Variants in NEK6 observed in about 807,000 individuals in gnomAD.
NEK6 encodes the protein serine/threonine-protein kinase Nek6.
A neutral mutation model predicts 43.5 loss-of-function variants in NEK6; 27 were observed. The ratio of observed to expected loss-of-function variants is 0.62; its 90% confidence interval spans 0.46 to 0.86. The LOEUF (loss-of-function observed/expected upper bound fraction) is 0.86, where lower values mean the gene tolerates loss of function less well. NEK6 is among the 40% of genes least tolerant of loss of function. NEK6 has a pLI of 0.00. For missense variants in NEK6, 318 were observed against 414.4 expected (o/e 0.77, Z 2.02); for synonymous variants, 167 against 164.1 (o/e 1.02, Z -0.14).
At position 124,352,109 on chromosome 9, in the gene NEK6, T is replaced by A. The variant is rs1437078897; in HGVS notation, c.*1162T>A. On this transcript the variant is annotated 3_prime_UTR_variant, in exon 10 of 10. Coordinates refer to ENST00000320246, the MANE Select transcript of NEK6 (RefSeq NM_014397.6). ...AAAACTCCACCTCTGAAGGAAATCA[T>A]TTGAATTTTGTTTTTGTACGTAAAG... 4 of 152,778 alleles carry A rather than the reference T, an allele frequency of 2.6e-5. No individual in the cohort carries two copies. Among genetic ancestry groups the A allele is most frequent in the Admixed American group, 2.6e-4 (4 of 15,310 alleles). The allele number at this position is 152,778 out of a possible 1,614,324, so 9.5% of individuals were successfully genotyped here.
chr9:124,287,268 C>G (rs943012786), intron 1 of NEK6, among the ~76,000 whole-genome samples: 1 of 152,164 alleles, frequency 6.6e-6, no homozygotes, highest in Non-Finnish European at 1.5e-5. Flanking sequence ...TTCAGGTTAC[C>G]CTGGCACCAG....
At chr9:124,293,711 A>T (rs990817256) in intron 1 of NEK6, among the ~76,000 whole-genome samples, 2 of 152,134 alleles carry the variant, frequency 1.3e-5, no homozygotes, top group Non-Finnish European at 2.9e-5. Context: ...TCCACCTACT[A>T]GTCAGAGATT....
intron 2 of NEK6, among the ~76,000 whole-genome samples, chr9:124,311,226 G>A (rs1199178393): frequency 2.0e-5 from 3 of 152,176 alleles, no homozygotes; most frequent in South Asian, 2.1e-4. Context: ...AAGACGCCTC[G>A]GTACGGTGCC....
At chr9:124,348,031 C>G (rs148654394) in intron 9 of NEK6, among the ~76,000 whole-genome samples, 2 of 152,328 alleles carry the variant, frequency 1.3e-5, no homozygotes, top group Non-Finnish European at 2.9e-5. Flanking sequence ...AGTGTGGGAC[C>G]CCCAGGTAGG....
intron 1 of NEK6, among the ~76,000 whole-genome samples, chr9:124,291,589 G>A (rs993293202): frequency 6.6e-6 from 1 of 152,162 alleles, no homozygotes; most frequent in African/African-American, 2.4e-5. Flanking sequence ...TCATGCTGCT[G>A]TACTCCAGCC....
Position 124,319,325 on chromosome 9 carries a change from T to C in NEK6, c.295-2134T>C, listed in dbSNP as rs551799764. Among the ~76,000 whole-genome samples the C allele has an allele frequency of 4.6e-5, 7 of 152,294 alleles. No individual in the cohort carries two copies. In the South Asian group the frequency reaches 1.5e-3, roughly 32 times the overall value. On this transcript the variant is annotated intron_variant, in intron 4 of 9. Transcript: ENST00000320246. ...TAATGTTTTGTTTTTTTTTATTGAT[T>C]TAAGTTCCTTATAGATTCTGGACAT...
chr9:124,289,840 G>A (rs1832328765), intron 1 of NEK6, among the ~76,000 whole-genome samples: 1 of 152,210 alleles, frequency 6.6e-6, no homozygotes, highest in African/African-American at 2.4e-5. Flanking sequence ...GGGAAACTGA[G>A]GCCCAAAGAT....
At chr9:124,286,057 C>G (rs1015998025) in intron 1 of NEK6, among the ~76,000 whole-genome samples, 2 of 152,172 alleles carry the variant, frequency 1.3e-5, no homozygotes, top group Admixed American at 6.5e-5. Context: ...CTCCTAGTCT[C>G]GTGAACGGTT....
At chr9:124,266,454 C>T (rs914229856) in intron 1 of NEK6, among the ~76,000 whole-genome samples, 4 of 152,150 alleles carry the variant, frequency 2.6e-5, no homozygotes, top group East Asian at 1.9e-4. Context: ...GGCTGCCCTC[C>T]GGAAGTGACC....
In NEK6 at chr9:124,339,721, C is replaced by T. The variant is rs1401162213; in HGVS notation, c.717+56C>T. The stretch of plus-strand genomic sequence containing the variant: ...TGGTGGGACATGCATGGGGGGTGCC[C>T]AGTTAGGACAGGGCTCACCCTACCA... On this transcript the variant is annotated intron_variant, in intron 8 of 9. Coordinates refer to ENST00000320246, the MANE Select transcript of NEK6 (RefSeq NM_014397.6). 3.4e-5 allele frequency: 43 copies of T among 1,275,072 alleles called. No homozygotes were observed. The South Asian group carries it at 4.7e-4, about 14-fold the overall frequency. 79.0% of individuals were successfully genotyped at this position (1,275,072 alleles called of 1,614,324 possible).
chr9:124,325,335 G>T (rs1025099593), intron 5 of NEK6, among the ~76,000 whole-genome samples: 1 of 152,242 alleles, frequency 6.6e-6, no homozygotes, highest in Admixed American at 6.5e-5. Context: ...GCCACACCCT[G>T]CAGGTGGTCT....
In NEK6 at chr9:124,275,289, G is replaced by A. The variant is rs1370860925; in HGVS notation, c.-30+17204G>A. 6.6e-6 allele frequency among the ~76,000 whole-genome samples: 1 copy of A among 152,186 alleles called. No homozygotes were observed. Among genetic ancestry groups the A allele is most frequent in the Non-Finnish European group, 1.5e-5 (1 of 68,038 alleles). ...TTTAAACCAGGGCCATTTCATCCAC[G>A]TCACTAACTTGCCGGATGTCTTTGA... On this transcript the variant is annotated intron_variant, in intron 1 of 9. Transcript: ENST00000320246. This position sits in a 1 kb window ranked among gnomAD's most constrained non-coding sequence, Gnocchi z 4.4.
At chr9:124,280,961 GTAT>G (rs1289396114) in intron 1 of NEK6, among the ~76,000 whole-genome samples, 6 of 151,916 alleles carry the variant, frequency 3.9e-5, no homozygotes, top group Non-Finnish European at 5.9e-5. Context: ...GCTAATTTTT[GTAT>G]TTTTTGTGGA....
At chr9:124,291,462 A>G (rs1832415184) in intron 1 of NEK6, among the ~76,000 whole-genome samples, 1 of 152,114 alleles carries the variant, frequency 6.6e-6, no homozygotes, top group Non-Finnish European at 1.5e-5. Flanking sequence ...CCCCATCTCT[A>G]CTAAAAATAC....
In NEK6 at chr9:124,324,113, G is replaced by A. The variant is rs886416431; in HGVS notation, c.406-2217G>A. On this transcript the variant is annotated intron_variant, in intron 5 of 9. Coordinates refer to ENST00000320246, the MANE Select transcript of NEK6 (RefSeq NM_014397.6). The surrounding 1 kb of genome is among the most constrained non-coding windows in gnomAD (Gnocchi z 5.3). Reference sequence around the variant, plus strand: ...TCACCTGCAGAGCTGGCTCGGTGCAGCCGCCAGCAGGGGAGGCCTGGCAGT... The same window carrying A: ...TCACCTGCAGAGCTGGCTCGGTGCAACCGCCAGCAGGGGAGGCCTGGCAGT... Among the ~76,000 whole-genome samples, 5 of 152,190 alleles carry A rather than the reference G, an allele frequency of 3.3e-5. No homozygotes were observed. The highest frequency in any genetic ancestry group is 1.2e-4 in the African/African-American group (5 of 41,442).
chr9:124,319,117 T>C (rs759991043), intron 4 of NEK6, among the ~76,000 whole-genome samples: 32 of 152,146 alleles, frequency 2.1e-4, no homozygotes, highest in Non-Finnish European at 4.1e-4. Context: ...CTCGAGTAGC[T>C]GTGACTACAG....
At chr9:124,350,323 G>T (rs1164210300) in intron 9 of NEK6, among the ~76,000 whole-genome samples, 1 of 151,920 alleles carries the variant, frequency 6.6e-6, no homozygotes, top group Non-Finnish European at 1.5e-5. Context: ...CCCCCACCTC[G>T]GGGCGGGAGC....
intron 8 of NEK6, among the ~76,000 whole-genome samples, chr9:124,344,334 C>T (rs1004221510): frequency 2.0e-5 from 3 of 152,218 alleles, no homozygotes; most frequent in Non-Finnish European, 4.4e-5. Flanking sequence ...ACCATTGAGT[C>T]CCCCATACCC....
chr9:124,336,233 G>A (rs1829281957), intron 7 of NEK6, among the ~76,000 whole-genome samples: 1 of 151,970 alleles, frequency 6.6e-6, no homozygotes, highest in Admixed American at 6.6e-5. Flanking sequence ...GCGAGACCCT[G>A]TCTTAAAGAA....
Sources: allele counts gnomAD v4.1 joint callset (sites outside exome capture counted in the v4.1 genomes callset), GRCh38; gene constraint gnomAD v4.1.1; non-coding constraint Gnocchi (gnomAD v3.1); transcripts MANE v1.5; gene names NCBI Gene and HGNC (gene_info 2026-07-23, HGNC 2026-07-21).